The following CHRAC1 variants were observed in gnomAD, a reference collection of about 807,000 sequenced individuals.
CHRAC1 encodes chromatin accessibility complex protein 1.
In CHRAC1, 6 loss-of-function variants were observed where a neutral mutation model predicts 9.1. That is an observed-to-expected ratio of 0.66 (90% CI 0.36 to 1.29). CHRAC1 has a LOEUF of 1.29. Ranked by LOEUF, CHRAC1 falls within the 50% of genes most tolerant of loss-of-function variation. The pLI is 0.03. For missense variants in CHRAC1, 168 were observed against 163.5 expected (o/e 1.03, Z -0.15); for synonymous variants, 73 against 64.5 (o/e 1.13, Z -0.63).
Position 140,517,051 on chromosome 8 carries a change from G to A in CHRAC1, c.*1804G>A, listed in dbSNP as rs1315281057. 1.3e-5 allele frequency: 2 copies of A among 152,108 alleles called. No homozygotes were observed. The highest frequency in any genetic ancestry group is 2.4e-5 in the African/African-American group (1 of 41,394). 9.4% of individuals were successfully genotyped at this position (152,108 alleles called of 1,614,324 possible). A position where few individuals can be genotyped will look rare whatever the true frequency, so the allele number is the denominator to read the frequency against. ...TTCTGCAAACTGAAACTTGAGTTTT[G>A]TGTAATTTTCATGTGTCATGAAATA... is the stretch of plus-strand genomic sequence containing the variant. On this transcript the variant is annotated 3_prime_UTR_variant, in exon 3 of 3. Coordinates refer to ENST00000220913, the MANE Select transcript of CHRAC1 (RefSeq NM_017444.6).
Position 140,515,295 on chromosome 8 carries a change from A to C in CHRAC1, c.*48A>C. On this transcript the variant is annotated 3_prime_UTR_variant, in exon 3 of 3. Coordinates refer to ENST00000220913, the MANE Select transcript of CHRAC1 (RefSeq NM_017444.6). ...GCCTGGCGAGGACAGCCCTGGACCCACTCCACTGTCTCTAAGTAAACACAG... is the reference window on the plus strand; with the variant it reads ...GCCTGGCGAGGACAGCCCTGGACCCCCTCCACTGTCTCTAAGTAAACACAG... 4.4e-6 allele frequency: 7 copies of C among 1,590,154 alleles called. No individual in the cohort carries two copies. The highest frequency in any genetic ancestry group is 6.0e-6 in the Non-Finnish European group (7 of 1,168,776).
rs530506869 is a variant in CHRAC1 at position 140,512,422 on chromosome 8, C to G, written c.147+776C>G. Among the ~76,000 whole-genome samples the G allele has an allele frequency of 2.0e-5, 3 of 152,330 alleles. No homozygotes were observed. In the East Asian group the frequency reaches 5.8e-4, roughly 29 times the overall value. ...TTCCCCAACCAGAATTTAAGGAAGTCCGGGGAACTTAAGTTTTACAGCCTG... is the reference window on the plus strand; with the variant it reads ...TTCCCCAACCAGAATTTAAGGAAGTGCGGGGAACTTAAGTTTTACAGCCTG... On this transcript the variant is annotated intron_variant, in intron 1 of 2. Transcript: ENST00000220913.
Position 140,511,399 on chromosome 8 carries a change from G to C in CHRAC1, c.-101G>C. 2.7e-6 allele frequency: 3 copies of C among 1,093,622 alleles called. No individual in the cohort carries two copies. The highest frequency in any genetic ancestry group is 3.6e-6 in the Non-Finnish European group (3 of 842,052). The allele number at this position is 1,093,622 out of a possible 1,614,324, so 67.7% of individuals were successfully genotyped here. On this transcript the variant is annotated 5_prime_UTR_variant, in exon 1 of 3. Transcript: ENST00000220913. ...CCTCCCCACACTACAACTCCCACGG[G>C]GCAGCGGGCGCGGCTCCCCGTACCC... is the stretch of plus-strand genomic sequence containing the variant.
At chr8:140,512,505 T>C (rs964755437) in intron 1 of CHRAC1, among the ~76,000 whole-genome samples, 1 of 152,166 alleles carries the variant, frequency 6.6e-6, no homozygotes, top group Non-Finnish European at 1.5e-5. Context: ...AAAAATTGCG[T>C]CTCGATAGTG....
Position 140,514,403 on chromosome 8 carries a change from A to C in CHRAC1, c.182A>C (p.Tyr61Ser), listed in dbSNP as rs376263263. 15 of 1,591,156 alleles carry C rather than the reference A, an allele frequency of 9.4e-6. 1 individual carries two copies. The highest frequency in any genetic ancestry group is 1.3e-5 in the Non-Finnish European group (15 of 1,173,668). The change falls in exon 2 of 3, where the codon TAC becomes TCC. Residue 61 changes from tyrosine to serine, a missense_variant. Tyr to Ser is a moderately radical substitution (Grantham distance 144). Transcript: ENST00000220913. The stretch of plus-strand genomic sequence containing the variant: ...GTTCAATGCCTAGCCACCTATTCCT[A>C]CAGACACGGCAGTGGAAAGGAAAAG... ...LFVQCLATYS[Y>S]RHGSGKEKKV...
In CHRAC1 at chr8:140,515,474, AG is replaced by A. The variant is rs1488598359; in HGVS notation, c.*229del. On this transcript the variant is annotated 3_prime_UTR_variant, in exon 3 of 3. Transcript: ENST00000220913. ...ACCCAGACAGCAGCCCCTCCTCGAC[AG>A]GCCCACCCTGCAGCTCAGGCACCAA... is the stretch of plus-strand genomic sequence containing the variant. 1 of 350,412 alleles carries A rather than the reference AG, an allele frequency of 2.9e-6. No individual in the cohort carries two copies. The highest frequency in any genetic ancestry group is 5.1e-6 in the Non-Finnish European group (1 of 194,884). The allele number at this position is 350,412 out of a possible 1,614,324, so 21.7% of individuals were successfully genotyped here.
chr8:140,514,558 C>T lies in CHRAC1; in HGVS notation c.274+63C>T, dbSNP rs770594872. The T allele has an allele frequency of 6.6e-6, 9 of 1,354,868 alleles. No individual in the cohort carries two copies. The African/African-American group carries it at 7.5e-5, about 11-fold the overall frequency. The allele number at this position is 1,354,868 out of a possible 1,614,324, so 83.9% of individuals were successfully genotyped here. A position where few individuals can be genotyped will look rare whatever the true frequency, so the allele number is the denominator to read the frequency against. On this transcript the variant is annotated intron_variant, in intron 2 of 2. Transcript: ENST00000220913. ...TAGTAATCAATAGCTCTTTCCCCAC[C>T]CCTTGCCTCCCTTCTGCTCTCACGG...
At position 140,511,585 on chromosome 8, in the gene CHRAC1, A is replaced by G. The variant is rs1295848112; in HGVS notation, c.86A>G (p.Lys29Arg). ...CTATCCCGCATCCGGGTCATCATGA[A>G]GAGCTCCCCCGAGGTGTCCAGCATC... ...LPLSRIRVIM[K>R]SSPEVSSINQ... The change falls in exon 1 of 3, where the codon AAG becomes AGG. Residue 29 changes from lysine (K) to arginine (R), a missense_variant. Physicochemically the swap from Lys to Arg is conservative, Grantham distance 26. Coordinates refer to ENST00000220913, the MANE Select transcript of CHRAC1 (RefSeq NM_017444.6). 3.4e-6 allele frequency: 5 copies of G among 1,490,484 alleles called. No individual in the cohort carries two copies. Among genetic ancestry groups the G allele is most frequent in the Non-Finnish European group, 2.7e-6 (3 of 1,114,576 alleles). 92.3% of individuals were successfully genotyped at this position (1,490,484 alleles called of 1,614,324 possible).
chr8:140,512,004 C>G (rs1256433491), intron 1 of CHRAC1: 1 of 1,289,622 alleles, frequency 7.8e-7, no homozygotes, highest in Non-Finnish European at 1.0e-6. Context: ...CCGTTTCTCT[C>G]GCGCTTCCAT....
rs1348917710 is a variant in CHRAC1, at chr8:140,515,760, A to G, written c.*513A>G. On this transcript the variant is annotated 3_prime_UTR_variant, in exon 3 of 3. Coordinates refer to ENST00000220913, the MANE Select transcript of CHRAC1 (RefSeq NM_017444.6). ...ATATTTTTCTACTGTAAAGAAATAT[A>G]CTTTTCTATTAAAGATCTGTACATA... 1.3e-5 allele frequency: 2 copies of G among 152,516 alleles called. No homozygotes were observed. Among genetic ancestry groups the G allele is most frequent in the Non-Finnish European group, 2.9e-5 (2 of 68,266 alleles). The allele number at this position is 152,516 out of a possible 1,614,324, so 9.4% of individuals were successfully genotyped here.
Position 140,515,111 on chromosome 8 carries a change from C to G in CHRAC1, c.275-15C>G. 1 of 1,608,814 alleles carries G rather than the reference C, an allele frequency of 6.2e-7. No individual in the cohort carries two copies. ...TACCATAACCAATTGCTGATGTACG[C>G]TTTATGTTTTTAAGATATATTACCA... is the stretch of plus-strand genomic sequence containing the variant. On this transcript the variant is annotated splice_polypyrimidine_tract_variant and intron_variant, in intron 2 of 2. Coordinates refer to ENST00000220913, the MANE Select transcript of CHRAC1 (RefSeq NM_017444.6).
intron 2 of CHRAC1, 176 bp from the exon 3 acceptor site, chr8:140,514,950 C>T (rs776870828): frequency 1.1e-5 from 7 of 612,794 alleles, no homozygotes; most frequent in African/African-American, 1.8e-5. Context: ...CTATAGCGTT[C>T]GTTAGGAGAC....
rs1203269339 is a variant in CHRAC1, at chr8:140,515,262, A to G, written c.*15A>G. On this transcript the variant is annotated 3_prime_UTR_variant, in exon 3 of 3. Coordinates refer to ENST00000220913, the MANE Select transcript of CHRAC1 (RefSeq NM_017444.6). ...CTGACTCCTAAACCAAAAGTGCTTTAAAAACCAGCCTGGCGAGGACAGCCC... is the reference window on the plus strand; with the variant it reads ...CTGACTCCTAAACCAAAAGTGCTTTGAAAACCAGCCTGGCGAGGACAGCCC... The G allele has an allele frequency of 2.5e-6, 4 of 1,612,936 alleles. No individual in the cohort carries two copies. In the South Asian group the frequency reaches 4.4e-5, roughly 18 times the overall value.
At position 140,514,483 on chromosome 8, in the gene CHRAC1, C is replaced by A; in HGVS notation, c.262C>A (p.Gln88Lys). 6.4e-7 allele frequency: 1 copy of A among 1,556,206 alleles called. No homozygotes were observed. The highest frequency in any genetic ancestry group is 1.2e-5 in the South Asian group (1 of 80,228). Residue 88 changes from glutamine (Q) to lysine (K), a missense_variant, in exon 2 of 3, where the codon CAG (glutamine) becomes AAG (lysine). By Grantham distance (53) the Gln-to-Lys change is moderately conservative. Coordinates refer to ENST00000220913, the MANE Select transcript of CHRAC1 (RefSeq NM_017444.6). ...ANTAQQSETF[Q>K]FLADILPKKI... Reference sequence around the variant, plus strand: ...CACTGCACAGCAATCAGAAACTTTTCAGTTTCTTGCAGGTACTTAGTCTTT... The same window carrying A: ...CACTGCACAGCAATCAGAAACTTTTAAGTTTCTTGCAGGTACTTAGTCTTT...
In CHRAC1 at chr8:140,515,134, C is replaced by T; in HGVS notation, c.283C>T (p.Pro95Ser). 1 of 1,611,174 alleles carries T rather than the reference C, an allele frequency of 6.2e-7. No individual in the cohort carries two copies. The highest frequency in any genetic ancestry group is 8.5e-7 in the Non-Finnish European group (1 of 1,177,656). ...ETFQFLADILPKKILASKYLK... is the reference protein window; with the variant it reads ...ETFQFLADILSKKILASKYLK... ...CGCTTTATGTTTTTAAGATATATTA[C>T]CAAAGAAGATTTTAGCTAGTAAATA... is the stretch of plus-strand genomic sequence containing the variant. The change falls in exon 3 of 3, where the codon CCA (proline) becomes TCA (serine). Residue 95 changes from proline to serine, a missense_variant. Pro to Ser is a moderately conservative substitution (Grantham distance 74). Coordinates refer to ENST00000220913, the MANE Select transcript of CHRAC1 (RefSeq NM_017444.6).
intron 1 of CHRAC1, 53 bp downstream of exon 1, chr8:140,511,699 C>T: frequency 7.8e-7 from 1 of 1,278,170 alleles, no homozygotes; most frequent in Non-Finnish European, 1.0e-6. Context: ...CGCCCCGCCC[C>T]GCCGGGCTCT....
At chr8:140,513,534 T>C (rs1163871333) in intron 1 of CHRAC1, among the ~76,000 whole-genome samples, 2 of 151,926 alleles carry the variant, frequency 1.3e-5, no homozygotes, top group African/African-American at 2.4e-5. Context: ...CTCCCGGGCT[T>C]ACGCCATTCT....
intron 1 of CHRAC1, among the ~76,000 whole-genome samples, chr8:140,513,678 C>T (rs1350768253): frequency 1.3e-5 from 2 of 151,934 alleles, no homozygotes; most frequent in Admixed American, 6.6e-5. Flanking sequence ...ATCTCCTGAC[C>T]ATCCTTGGTC....
intron 2 of CHRAC1, chr8:140,514,871 G>C (rs768672471): frequency 3.5e-5 from 14 of 397,148 alleles, no homozygotes; most frequent in Non-Finnish European, 6.4e-5. Flanking sequence ...TCAGGTAGTC[G>C]GGCAGGGTTG....
Sources: allele counts gnomAD v4.1 joint callset (sites outside exome capture counted in the v4.1 genomes callset), GRCh38; gene constraint gnomAD v4.1.1; transcripts MANE v1.5; gene names NCBI Gene and HGNC (gene_info 2026-07-23, HGNC 2026-07-21).